Variants in TBC1D4 observed in about 807,000 individuals in gnomAD.
TBC1D4 encodes the protein TBC1 domain family member 4, also known as TBC (Tre-2, BUB2, CDC16) domain-containing protein.
TBC1D4 carries 121 observed loss-of-function variants against 142.5 expected under a neutral mutation model. The ratio of observed to expected loss-of-function variants is 0.85; its 90% CI spans 0.73 to 0.99. TBC1D4 has a LOEUF of 0.99. TBC1D4 is among the 50% of genes least tolerant of loss of function. The pLI is 0.00. For missense variants in TBC1D4, 1,475 were observed against 1,606.6 expected, an observed-to-expected ratio of 0.92 and a Z score of 1.40; for synonymous variants, 630 against 628.2, an observed-to-expected ratio of 1.00 and a Z score of -0.04.
At position 75,294,990 on chromosome 13, in the gene TBC1D4, C is replaced by G. The variant is rs752852095; in HGVS notation, c.3180G>C (p.Arg1060Ser). The G allele has an allele frequency of 2.5e-6, 4 of 1,613,422 alleles. No homozygotes were observed. The highest frequency in any genetic ancestry group is 2.2e-5 in the South Asian group (2 of 91,046). The change falls in exon 18 of 21, where the codon AGG becomes AGC. Residue 1060 changes from arginine to serine, a missense_variant. Arg to Ser is a moderately radical substitution (Grantham distance 110). This residue lies in a region of TBC1D4 where 248 missense variants were observed against 338.9 expected (regional missense o/e 0.73). Coordinates refer to ENST00000377636, the MANE Select transcript of TBC1D4 (RefSeq NM_014832.5). ...SLQIQMYQLS[R>S]LLHDYHRDLY... Reference sequence around the variant, plus strand: ...GATCTCTGTGATAGTCATGAAGGAGCCTGGACAGCTGGTACATTTGAATCT... The same window carrying G: ...GATCTCTGTGATAGTCATGAAGGAGGCTGGACAGCTGGTACATTTGAATCT...
intron 1 of TBC1D4, among the ~76,000 whole-genome samples, chr13:75,418,897 T>C (rs1379692141): frequency 6.6e-6 from 1 of 152,116 alleles, no homozygotes; most frequent in Non-Finnish European, 1.5e-5. Flanking sequence ...GCAGTTCTGG[T>C]TGTGCTAAAG....
At chr13:75,388,364 C>T (rs1343865640) in intron 1 of TBC1D4, among the ~76,000 whole-genome samples, 1 of 152,158 alleles carries the variant, frequency 6.6e-6, no homozygotes, top group Non-Finnish European at 1.5e-5. Context: ...TGTGCAAATG[C>T]TTTTCCTCTA....
At chr13:75,307,592 T>G (rs968325440) in intron 14 of TBC1D4, among the ~76,000 whole-genome samples, 3 of 152,134 alleles carry the variant, frequency 2.0e-5, no homozygotes, top group African/African-American at 7.2e-5. Flanking sequence ...AACACAAATC[T>G]TTGTCATGCA....
At chr13:75,440,382 G>C (rs1886983719) in intron 1 of TBC1D4, among the ~76,000 whole-genome samples, 1 of 151,872 alleles carries the variant, frequency 6.6e-6, no homozygotes, top group Non-Finnish European at 1.5e-5. Context: ...AGAGAAAACA[G>C]AGGAGGGTTT....
At chr13:75,473,956 T>C (rs1888522631) in intron 1 of TBC1D4, among the ~76,000 whole-genome samples, 1 of 152,212 alleles carries the variant, frequency 6.6e-6, no homozygotes, top group Non-Finnish European at 1.5e-5. Context: ...ATTATAATGG[T>C]TATAAATACT....
chr13:75,428,470 G>A (rs1442880735), intron 1 of TBC1D4, among the ~76,000 whole-genome samples: 1 of 152,052 alleles, frequency 6.6e-6, no homozygotes, highest in African/African-American at 2.4e-5. Flanking sequence ...AACGTTTGCT[G>A]GTGTGAATCT....
intron 17 of TBC1D4, among the ~76,000 whole-genome samples, chr13:75,298,702 G>A (rs939266823): frequency 5.3e-5 from 8 of 152,036 alleles, no homozygotes; most frequent in Non-Finnish European, 1.0e-4. Flanking sequence ...GCAGTGAGCC[G>A]AGATCGTGCC....
intron 15 of TBC1D4, among the ~76,000 whole-genome samples, chr13:75,304,788 T>C (rs1406042342): frequency 1.3e-5 from 2 of 151,670 alleles, no homozygotes; most frequent in Non-Finnish European, 2.9e-5. Context: ...GAAATGAGAA[T>C]GTAGAGAAGT....
intron 12 of TBC1D4, among the ~76,000 whole-genome samples, chr13:75,317,017 C>T (rs934467688): frequency 2.6e-5 from 4 of 152,174 alleles, no homozygotes; most frequent in Non-Finnish European, 4.4e-5. Flanking sequence ...ATTTCATCCT[C>T]ACAGCAACCT....
chr13:75,472,936 G>T (rs1888476817), intron 1 of TBC1D4, among the ~76,000 whole-genome samples: 1 of 152,178 alleles, frequency 6.6e-6, no homozygotes, highest in Admixed American at 6.5e-5. Context: ...CTGAAACCAA[G>T]GCAAGAGATG....
chr13:75,293,233 T>TC (rs1875530085), intron 18 of TBC1D4, among the ~76,000 whole-genome samples: 2 of 152,216 alleles, frequency 1.3e-5, no homozygotes, highest in African/African-American at 4.8e-5. Flanking sequence ...TCTATGTCAT[T>TC]CTTTAATCAA....
rs775718986 is a variant in TBC1D4 at position 75,336,981 on chromosome 13, G to C, written c.1671C>G (p.Asp557Glu). ...ATCTCTTAGCTTTATTTTTCAGAAT[G>C]TCAAGTTTGAACCTTCCACTGCTTG... Reference protein sequence around the residue: ...NATSSGRFKLDILKNKAKRSL... With the variant: ...NATSSGRFKLEILKNKAKRSL... The change falls in exon 8 of 21, where the codon GAC becomes GAG. Residue 557 changes from aspartate to glutamate, a missense_variant. By Grantham distance (45) the Asp-to-Glu change is conservative. This residue lies in a region of TBC1D4 where 1,227 missense variants were observed against 1,267.7 expected (regional missense o/e 0.97). Transcript: ENST00000377636. 2.1e-5 allele frequency: 34 copies of C among 1,613,372 alleles called. No homozygotes were observed. Among genetic ancestry groups the C allele is most frequent in the Non-Finnish European group, 2.9e-5 (34 of 1,179,614 alleles).
chr13:75,410,703 G>A (rs1413454498), intron 1 of TBC1D4, among the ~76,000 whole-genome samples: 1 of 151,934 alleles, frequency 6.6e-6, no homozygotes, highest in Non-Finnish European at 1.5e-5. Context: ...TTGGGAGGCC[G>A]AGGCGGGCGG....
intron 1 of TBC1D4, among the ~76,000 whole-genome samples, chr13:75,459,970 G>A (rs9573547): frequency 0.029 from 4,330 of 151,926 alleles, 214 homozygotes; most frequent in East Asian, 0.23. Flanking sequence ...GTGAAAACTC[G>A]TCTCTACTAA....
chr13:75,455,815 G>A (rs1249640453), intron 1 of TBC1D4, among the ~76,000 whole-genome samples: 2 of 152,124 alleles, frequency 1.3e-5, no homozygotes, highest in Non-Finnish European at 2.9e-5. Flanking sequence ...CAGCCTTGAT[G>A]TGGACCTACC....
At chr13:75,401,139 G>C (rs938230401) in intron 1 of TBC1D4, among the ~76,000 whole-genome samples, 1 of 152,088 alleles carries the variant, frequency 6.6e-6, no homozygotes, top group African/African-American at 2.4e-5. Context: ...AAATGAGTCT[G>C]AAAACAAGGA....
At chr13:75,478,094 C>T (rs1422514679) in intron 1 of TBC1D4, among the ~76,000 whole-genome samples, 1 of 152,200 alleles carries the variant, frequency 6.6e-6, no homozygotes, top group Non-Finnish European at 1.5e-5. Context: ...CAACAGACCC[C>T]CAAGCGATTA....
intron 11 of TBC1D4, among the ~76,000 whole-genome samples, chr13:75,323,714 C>G (rs1878973736): frequency 6.6e-6 from 1 of 152,046 alleles, no homozygotes; most frequent in African/African-American, 2.4e-5. Context: ...ATCTTGTAAC[C>G]ATTATGCGAT....
chr13:75,342,524 ATTATT>A (rs1358805945), intron 5 of TBC1D4, among the ~76,000 whole-genome samples: 4 of 152,094 alleles, frequency 2.6e-5, no homozygotes, highest in Non-Finnish European at 5.9e-5. Flanking sequence ...TTTCAATGTT[ATTATT>A]TTATCAAGAA....
Sources: gnomAD v4.1 joint callset for allele counts (sites outside exome capture counted in the v4.1 genomes callset) on GRCh38, gnomAD v4.1.1 for gene constraint, gnomAD v4.1.1 regional missense constraint, MANE v1.5 for transcripts, NCBI Gene and HGNC (gene_info 2026-07-23, HGNC 2026-07-21) for gene names.